FMNL2: variants seen among roughly 807,000 people sequenced by gnomAD.
FMNL2 encodes the protein formin-like protein 2.
Under a neutral mutation model 130.2 loss-of-function variants are expected in FMNL2, and 51 were observed. The observed-to-expected ratio is 0.39, with a 90% CI of 0.31 to 0.49. FMNL2 has a LOEUF of 0.49. FMNL2 is among the 20% of genes least tolerant of loss of function. FMNL2 has a pLI of 0.85. For missense variants in FMNL2, 977 were observed against 1,316.2 expected, an observed-to-expected ratio of 0.74 and a Z score of 3.99; for synonymous variants, 465 against 467.1, an observed-to-expected ratio of 1.00 and a Z score of 0.06.
Position 152,589,987 on chromosome 2 carries a change from A to ATATGTATGTATATG in FMNL2, c.876+8945_876+8946insGTATATGTATGTAT, listed in dbSNP as rs70974871. 4.3e-3 allele frequency among the ~76,000 whole-genome samples: 240 copies of ATATGTATGTATATG among 55,178 alleles called. 4 individuals carry two copies. In the East Asian group the frequency reaches 0.044, roughly 10 times the overall value. The allele number at this position is 55,178 out of a possible 152,430, so 36.2% of individuals were successfully genotyped here. ...TATATATATATATATATATATATGT[A>ATATGTATGTATATG]TATGTATATGTATATATATATACAT... On this transcript the variant is annotated intron_variant, in intron 9 of 25. Coordinates refer to ENST00000288670, the MANE Select transcript of FMNL2 (RefSeq NM_052905.4).
intron 4 of FMNL2, among the ~76,000 whole-genome samples, chr2:152,553,753 T>C (rs1212953137): frequency 6.6e-6 from 1 of 151,676 alleles, no homozygotes; most frequent in Non-Finnish European, 1.5e-5. Context: ...ACATAAATAT[T>C]AATACATTAT....
rs188712678 is a variant in FMNL2, at chr2:152,558,621, A to G, written c.360-119A>G. The G allele has an allele frequency of 1.8e-3, 1,498 of 844,234 alleles. 4 individuals carry two copies. Among genetic ancestry groups the G allele is most frequent in the Middle Eastern group, 2.8e-3 (11 of 3,870 alleles). 52.3% of individuals were successfully genotyped at this position (844,234 alleles called of 1,614,324 possible). A position where few individuals can be genotyped will look rare whatever the true frequency, so the allele number is the denominator to read the frequency against. ...TGAAGTAGTCTAGGCCTTCCTCCCTATGTCCTTTCAGGCAATGAAAGTTTC... is the reference window on the plus strand; with the variant it reads ...TGAAGTAGTCTAGGCCTTCCTCCCTGTGTCCTTTCAGGCAATGAAAGTTTC... On this transcript the variant is annotated intron_variant, in intron 4 of 25. Coordinates refer to ENST00000288670, the MANE Select transcript of FMNL2 (RefSeq NM_052905.4).
At chr2:152,589,186 A>G (rs1454573949) in intron 9 of FMNL2, among the ~76,000 whole-genome samples, 1 of 152,108 alleles carries the variant, frequency 6.6e-6, no homozygotes, top group Non-Finnish European at 1.5e-5. Context: ...TGTTGTACAA[A>G]TGTAGAGATG....
At chr2:152,529,809 A>G (rs532626541) in intron 2 of FMNL2, among the ~76,000 whole-genome samples, 3 of 152,208 alleles carry the variant, frequency 2.0e-5, no homozygotes, top group African/African-American at 2.4e-5. Context: ...AGGAGAGGAA[A>G]CAATTATCCC....
intron 1 of FMNL2, among the ~76,000 whole-genome samples, chr2:152,358,823 G>A (rs1579471648): frequency 6.6e-6 from 1 of 152,120 alleles, no homozygotes; most frequent in Non-Finnish European, 1.5e-5. Flanking sequence ...CCTTGTCTAT[G>A]TCACCTGATG....
At chr2:152,620,526 A>G (rs1699197052) in intron 15 of FMNL2, among the ~76,000 whole-genome samples, 2 of 152,162 alleles carry the variant, frequency 1.3e-5, no homozygotes, top group Non-Finnish European at 1.5e-5. Context: ...AAGCTTTGCC[A>G]TCCCTGTGAC....
chr2:152,501,306 C>T (rs147594214), intron 1 of FMNL2, among the ~76,000 whole-genome samples: 14 of 152,112 alleles, frequency 9.2e-5, no homozygotes, highest in Non-Finnish European at 1.8e-4. Context: ...TAAAGTGACT[C>T]GGGGATAGGG....
At chr2:152,564,776 G>GTTTTTTT (rs56378937) in intron 6 of FMNL2, among the ~76,000 whole-genome samples, 15,321 of 78,672 alleles carry the variant, frequency 0.19, 2,218 homozygotes, top group Non-Finnish European at 0.23. Flanking sequence ...TACAAGGTTG[G>GTTTTTTT]TTTTTTTTTT....
intron 23 of FMNL2, among the ~76,000 whole-genome samples, chr2:152,639,514 T>TCACTCTGGA (rs1682903344): frequency 1.3e-5 from 2 of 152,198 alleles, no homozygotes; most frequent in Admixed American, 1.3e-4. Context: ...TCCAAGAGTG[T>TCACTCTGGA]CACTCTGGTG....
chr2:152,482,217 A>G (rs1690565745), intron 1 of FMNL2, among the ~76,000 whole-genome samples: 2 of 152,358 alleles, frequency 1.3e-5, no homozygotes, highest in Middle Eastern at 3.4e-3. Flanking sequence ...GTGTACTTAA[A>G]TTAAAAAATA....
intron 1 of FMNL2, among the ~76,000 whole-genome samples, chr2:152,431,130 A>G (rs1399326597): frequency 1.3e-5 from 2 of 152,144 alleles, no homozygotes; most frequent in South Asian, 2.1e-4. Flanking sequence ...TTTAAGGCCA[A>G]TTGTTACTTT....
At chr2:152,341,544 C>T (rs553966634) in intron 1 of FMNL2, among the ~76,000 whole-genome samples, 1 of 152,192 alleles carries the variant, frequency 6.6e-6, no homozygotes, top group African/African-American at 2.4e-5. Flanking sequence ...TTTCTAGAAT[C>T]ATATTTGCTG....
intron 1 of FMNL2, among the ~76,000 whole-genome samples, chr2:152,437,477 T>A (rs1469104073): frequency 2.0e-5 from 3 of 151,972 alleles, no homozygotes; most frequent in Admixed American, 6.6e-5. Flanking sequence ...GCACCCCCCC[T>A]GCGGTGAAAA....
At chr2:152,545,044 G>A (rs1338820408) in intron 3 of FMNL2, among the ~76,000 whole-genome samples, 1 of 152,154 alleles carries the variant, frequency 6.6e-6, no homozygotes, top group Non-Finnish European at 1.5e-5. Flanking sequence ...TGTTTGGTCT[G>A]TGCTTCATCT....
chr2:152,438,031 G>A (rs755514780), intron 1 of FMNL2, among the ~76,000 whole-genome samples: 2 of 152,174 alleles, frequency 1.3e-5, no homozygotes, highest in African/African-American at 2.4e-5. Context: ...TGGAAACTTT[G>A]GAAGCTGTTT....
At chr2:152,461,021 T>C (rs1000051973) in intron 1 of FMNL2, among the ~76,000 whole-genome samples, 4 of 152,192 alleles carry the variant, frequency 2.6e-5, no homozygotes, top group African/African-American at 7.2e-5. Flanking sequence ...AAAATGATCT[T>C]CCACGAAACC....
At chr2:152,540,663 G>C (rs1029284527) in intron 2 of FMNL2, among the ~76,000 whole-genome samples, 3 of 142,616 alleles carry the variant, frequency 2.1e-5, no homozygotes, top group Non-Finnish European at 4.5e-5. Flanking sequence ...GACACAGGAA[G>C]GGGAATATCA....
intron 9 of FMNL2, among the ~76,000 whole-genome samples, chr2:152,596,129 ATTT>A (rs11360283): frequency 6.8e-6 from 1 of 147,958 alleles, no homozygotes. Context: ...CGCCTGGGTG[ATTT>A]TTTTTTTTTT....
rs193030384 is a variant in FMNL2, at chr2:152,491,633, T to A, written c.118-30310T>A. ...TAGTGTATTTTATCTTCATAATGAC[T>A]ACTTAAAGATGGTTTTAAAACTGAA... On this transcript the variant is annotated intron_variant, in intron 1 of 25. Coordinates refer to ENST00000288670, the MANE Select transcript of FMNL2 (RefSeq NM_052905.4). 2.6e-5 allele frequency among the ~76,000 whole-genome samples: 4 copies of A among 152,324 alleles called. No homozygotes were observed. The East Asian group carries it at 7.7e-4, about 29-fold the overall frequency.
Sources: gnomAD v4.1 joint callset for allele counts (sites outside exome capture counted in the v4.1 genomes callset) on GRCh38, gnomAD v4.1.1 for gene constraint, MANE v1.5 for transcripts, NCBI Gene and HGNC (gene_info 2026-07-23, HGNC 2026-07-21) for gene names.